SLCO1B3: variants seen among roughly 807,000 people sequenced by gnomAD.
SLCO1B3 encodes solute carrier organic anion transporter family member 1B3.
A neutral mutation model predicts 71.8 loss-of-function variants in SLCO1B3; 72 were observed. That is an observed-to-expected ratio of 1.00 (90% confidence interval 0.83 to 1.22). The LOEUF (loss-of-function observed/expected upper bound fraction) is 1.22, where lower values mean the gene tolerates loss of function less well. SLCO1B3 is among the 50% of genes most tolerant of loss of function. SLCO1B3 has a pLI of 0.00. For synonymous variants in SLCO1B3, 298 were observed against 278.4 expected, an observed-to-expected ratio of 1.07 and a Z score of -0.70; for missense variants, 911 against 819.7, an observed-to-expected ratio of 1.11 and a Z score of -1.36.
In SLCO1B3 at chr12:20,875,274, G is replaced by C. The variant is rs60140950; in HGVS notation, c.767G>C (p.Gly256Ala). 0.13 allele frequency: 211,714 copies of C among 1,612,444 alleles called. 16,016 individuals are homozygous for C. Among genetic ancestry groups the C allele is most frequent in the Middle Eastern group, 0.23 (1,418 of 6,054 alleles). The change falls in exon 9 of 16, where the codon GGA becomes GCA. Residue 256 changes from glycine to alanine, a missense_variant. By Grantham distance (60) the Gly-to-Ala change is moderately conservative (BLOSUM62 0). Coordinates refer to ENST00000381545, the MANE Select transcript of SLCO1B3 (RefSeq NM_019844.4). The stretch of plus-strand genomic sequence containing the variant: ...ACTCCTAAGGACTCTCGTTGGGTTG[G>C]AGCTTGGTGGCTTGGTTTCCTTGTG... The part of the protein sequence containing the change: ...RITPKDSRWV[G>A]AWWLGFLVSG...
chr12:20,914,896 A>G (rs1866462554), intron 15 of SLCO1B3, among the ~76,000 whole-genome samples: 1 of 152,112 alleles, frequency 6.6e-6, no homozygotes, highest in Non-Finnish European at 1.5e-5. Context: ...CTACTCTATA[A>G]ATAAGGTTTG....
intron 5 of SLCO1B3, among the ~76,000 whole-genome samples, chr12:20,860,495 G>A (rs1966648): frequency 0.72 from 110,082 of 151,896 alleles, 42,470 homozygotes; most frequent in South Asian, 0.9. Context: ...GAGCATCAGC[G>A]TCTGTCCCTG....
intron 5 of SLCO1B3, among the ~76,000 whole-genome samples, chr12:20,860,708 G>A (rs1476001620): frequency 1.3e-5 from 2 of 150,826 alleles, no homozygotes; most frequent in East Asian, 2.0e-4. Flanking sequence ...ATAGTTAACA[G>A]ATAAAAAAAC....
rs192510695 is a variant in SLCO1B3 at position 20,822,787 on chromosome 12, G to C, written c.84+6965G>C. On this transcript the variant is annotated intron_variant, in intron 3 of 15. Transcript: ENST00000381545. ...GGAAATATTTAACCTTTTATCTGTAGCTATCTGCTTAAGGAAGGGCATCTT... is the reference window on the plus strand; with the variant it reads ...GGAAATATTTAACCTTTTATCTGTACCTATCTGCTTAAGGAAGGGCATCTT... Among the ~76,000 whole-genome samples, 445 of 152,284 alleles carry C rather than the reference G, an allele frequency of 2.9e-3. 10 individuals carry two copies. The highest frequency in any genetic ancestry group is 0.024 in the Admixed American group (371 of 15,306).
intron 3 of SLCO1B3, among the ~76,000 whole-genome samples, chr12:20,822,068 G>C (rs533996120): frequency 3.9e-5 from 6 of 152,296 alleles, no homozygotes; most frequent in Admixed American, 2.0e-4. Context: ...ATGTTTCTTG[G>C]GCTGGTCGGT....
intron 8 of SLCO1B3, among the ~76,000 whole-genome samples, chr12:20,871,854 G>T (rs1053411968): frequency 6.6e-6 from 1 of 151,960 alleles, no homozygotes; most frequent in Non-Finnish European, 1.5e-5. Flanking sequence ...ACTGGGTCTT[G>T]CCCAAGGCCC....
chr12:20,878,982 G>T (rs1055870826), intron 10 of SLCO1B3, among the ~76,000 whole-genome samples: 12 of 152,180 alleles, frequency 7.9e-5, no homozygotes, highest in African/African-American at 2.6e-4. Context: ...TAGATGGTAG[G>T]ATAGAAATCT....
At chr12:20,911,862 G>T (rs180686833) in intron 15 of SLCO1B3, among the ~76,000 whole-genome samples, 12 of 152,088 alleles carry the variant, frequency 7.9e-5, no homozygotes, top group Admixed American at 3.3e-4. Context: ...CAATTTTATT[G>T]ATTTTTTTCT....
At chr12:20,896,212 T>TC (rs1689764336) in intron 13 of SLCO1B3, among the ~76,000 whole-genome samples, 1 of 17,784 alleles carries the variant, frequency 5.6e-5, no homozygotes, top group African/African-American at 8.2e-5. Context: ...ACATTCAGCT[T>TC]TCAAATTTCA....
chr12:20,836,993 A>G (rs1281451629), intron 3 of SLCO1B3, among the ~76,000 whole-genome samples: 3 of 152,236 alleles, frequency 2.0e-5, no homozygotes, highest in East Asian at 3.8e-4. Context: ...TCTTAAACAG[A>G]TAAAGGCCTA....
chr12:20,910,614 G>A (rs1300165851), intron 15 of SLCO1B3, among the ~76,000 whole-genome samples: 1 of 152,038 alleles, frequency 6.6e-6, no homozygotes, highest in Non-Finnish European at 1.5e-5. Flanking sequence ...TCATATTTTA[G>A]TGCTTCTTTG....
intron 8 of SLCO1B3, among the ~76,000 whole-genome samples, chr12:20,864,974 C>A (rs1248143353): frequency 2.6e-5 from 4 of 152,072 alleles, no homozygotes; most frequent in Non-Finnish European, 5.9e-5. Flanking sequence ...CTGGTCTATA[C>A]TTTTCATACA....
At chr12:20,833,409 CATAT>C (rs946976732) in intron 3 of SLCO1B3, among the ~76,000 whole-genome samples, 1 of 149,712 alleles carries the variant, frequency 6.7e-6, no homozygotes, top group Non-Finnish European at 1.5e-5. Context: ...ATGAAGAATA[CATAT>C]ATATAGTTTA....
intron 15 of SLCO1B3, among the ~76,000 whole-genome samples, chr12:20,908,054 T>C (rs1039358508): frequency 6.6e-6 from 1 of 152,178 alleles, no homozygotes; most frequent in Non-Finnish European, 1.5e-5. Flanking sequence ...AACATTGTTT[T>C]AAAAACTGTA....
At chr12:20,862,311 A>G in intron 6 of SLCO1B3, 101 bp from the exon 7 acceptor site, 2 of 1,344,840 alleles carry the variant, frequency 1.5e-6, no homozygotes, top group Non-Finnish European at 2.0e-6. Context: ...TTAGGAAACA[A>G]ACAAACAAAA....
chr12:20,885,301 T>A (rs1256347524), intron 13 of SLCO1B3, among the ~76,000 whole-genome samples: 2 of 152,142 alleles, frequency 1.3e-5, no homozygotes, highest in Admixed American at 6.6e-5. Context: ...AAAACTAGAC[T>A]CAGCAGGAGT....
intron 3 of SLCO1B3, among the ~76,000 whole-genome samples, chr12:20,835,161 AG>A (rs1191098052): frequency 2.6e-5 from 4 of 152,118 alleles, no homozygotes; most frequent in African/African-American, 9.7e-5. Flanking sequence ...GCTGGAATGC[AG>A]GGCACCAAGT....
At chr12:20,846,971 C>T (rs1208596377) in intron 3 of SLCO1B3, among the ~76,000 whole-genome samples, 1 of 152,012 alleles carries the variant, frequency 6.6e-6, no homozygotes. Flanking sequence ...ACATTTGTAT[C>T]TCTGTTTTGT....
chr12:20,816,534 T>C (rs2121072608), intron 3 of SLCO1B3, among the ~76,000 whole-genome samples: 1 of 152,334 alleles, frequency 6.6e-6, no homozygotes, highest in African/African-American at 2.4e-5. Context: ...CTAGATTTCA[T>C]TCTTTCTATA....
Sources: allele counts gnomAD v4.1 joint callset (sites outside exome capture counted in the v4.1 genomes callset), GRCh38; gene constraint gnomAD v4.1.1; transcripts MANE v1.5; gene names NCBI Gene and HGNC (gene_info 2026-07-23, HGNC 2026-07-21).